TRRAP: variants seen among roughly 807,000 people sequenced by gnomAD.
The protein encoded by TRRAP is transformation/transcription domain associated protein, also known as transformation/transcription domain-associated protein.
Under a neutral mutation model 438.8 loss-of-function variants are expected in TRRAP, and 41 were observed. The observed-to-expected ratio is 0.09, with a 90% confidence interval of 0.07 to 0.12. The LOEUF is 0.12. Among genes scored for constraint, TRRAP ranks in the 10% least tolerant of loss-of-function variants. The probability of loss-of-function intolerance (pLI) is 1.00; values close to 1 mark genes in which losing one functional copy is unlikely to be tolerated. For synonymous variants in TRRAP, 1,994 were observed against 1,962.9 expected (o/e 1.02, Z -0.42); for missense variants, 3,122 against 5,055.1 (o/e 0.62, Z 11.60).
chr7:98,969,352 C>G (rs1792303435), intron 51 of TRRAP, among the ~76,000 whole-genome samples: 1 of 152,178 alleles, frequency 6.6e-6, no homozygotes, highest in Non-Finnish European at 1.5e-5. Flanking sequence ...TATTCTTGAT[C>G]TTGCCTCACT....
In TRRAP at chr7:98,998,800, C is replaced by T. The variant is rs187630022; in HGVS notation, c.10309+3952C>T. On this transcript the variant is annotated intron_variant, in intron 67 of 72. Coordinates refer to ENST00000456197, the MANE Select transcript of TRRAP (RefSeq NM_001375524.1). ...CTCTTCCAGTGCCCTCTGACTCACC[C>T]TCTTACCTTACCTCTGTTACAGAAA... 402 of 261,610 alleles carry T rather than the reference C, an allele frequency of 1.5e-3. 5 individuals carry two copies. The highest frequency in any genetic ancestry group is 8.6e-3 in the African/African-American group (373 of 43,540). 16.2% of individuals were successfully genotyped at this position (261,610 alleles called of 1,614,324 possible). A position where few individuals can be genotyped will look rare whatever the true frequency, so the allele number is the denominator to read the frequency against.
At chr7:98,996,791 A>T (rs950982315) in intron 67 of TRRAP, among the ~76,000 whole-genome samples, 2 of 152,192 alleles carry the variant, frequency 1.3e-5, no homozygotes, top group African/African-American at 2.4e-5. Context: ...TCCTCTTAAT[A>T]ATATGTTATA....
rs1397474653 is a variant in TRRAP at position 99,012,545 on chromosome 7, C to T, written c.*190C>T. On this transcript the variant is annotated 3_prime_UTR_variant, in exon 73 of 73. Coordinates refer to ENST00000456197, the MANE Select transcript of TRRAP (RefSeq NM_001375524.1). The surrounding 1 kb of genome is among the most constrained non-coding windows in gnomAD (Gnocchi z 5.9). ...AGTTTTAGAGGAAGCTGAACTATGA[C>T]GATGCTGGGCGAAGCGGTTGGAAAT... 2.2e-5 allele frequency: 15 copies of T among 681,928 alleles called. No homozygotes were observed. The highest frequency in any genetic ancestry group is 3.1e-5 in the Non-Finnish European group (13 of 426,072). 42.2% of individuals were successfully genotyped at this position (681,928 alleles called of 1,614,324 possible). A position where few individuals can be genotyped will look rare whatever the true frequency, so the allele number is the denominator to read the frequency against.
At position 98,981,871 on chromosome 7, in the gene TRRAP, C is replaced by G; in HGVS notation, c.8737C>G (p.Arg2913Gly). The change falls in exon 59 of 73, where the codon CGC (arginine) becomes GGC (glycine). Residue 2913 changes from arginine to glycine, a missense_variant. Arg to Gly is a moderately radical substitution (Grantham distance 125, BLOSUM62 -2). Coordinates refer to ENST00000456197, the MANE Select transcript of TRRAP (RefSeq NM_001375524.1). ...GGAGCAGCAGCTCAGCTTCATCGAG[C>G]GCCTGGTGGAGATGGCCAGCAGCCT... is the stretch of plus-strand genomic sequence containing the variant. ...PEEQQLSFIE[R>G]LVEMASSLAI... The G allele has an allele frequency of 6.2e-7, 1 of 1,608,912 alleles. No individual in the cohort carries two copies. Among genetic ancestry groups the G allele is most frequent in the Non-Finnish European group, 8.5e-7 (1 of 1,178,408 alleles).
At chr7:98,880,941 C>G in intron 1 of TRRAP, 149 bp from the exon 2 acceptor site, 1 of 409,736 alleles carries the variant, frequency 2.4e-6, no homozygotes, top group Non-Finnish European at 4.3e-6. Context: ...GTTGGGTAAA[C>G]TTCATATTAA....
chr7:98,937,075 TAATA>T (rs1790589645), intron 28 of TRRAP, 77 bp from the exon 29 acceptor site: 1 of 1,459,120 alleles, frequency 6.9e-7, no homozygotes, highest in Non-Finnish European at 9.1e-7. Context: ...CAAATAATAA[TAATA>T]AATAAATACA....
intron 67 of TRRAP, among the ~76,000 whole-genome samples, chr7:99,003,751 T>C (rs890214864): frequency 2.6e-5 from 4 of 152,222 alleles, no homozygotes; most frequent in African/African-American, 7.2e-5. Flanking sequence ...TAAAATGTTT[T>C]GCTCCACACC....
chr7:98,899,662 G>C lies in TRRAP; in HGVS notation c.712-17G>C. 2 of 1,614,022 alleles carry C rather than the reference G, an allele frequency of 1.2e-6. No homozygotes were observed. Among genetic ancestry groups the C allele is most frequent in the South Asian group, 1.1e-5 (1 of 91,078 alleles). ...GCAGAGTGTCAATGTATGAAAATCT[G>C]GTATGTTTGCTTTTAGCTCTACAAA... On this transcript the variant is annotated splice_polypyrimidine_tract_variant and intron_variant, in intron 9 of 72. Transcript: ENST00000456197.
intron 67 of TRRAP, among the ~76,000 whole-genome samples, chr7:99,001,429 T>C (rs746919872): frequency 7.2e-5 from 11 of 152,228 alleles, no homozygotes; most frequent in Admixed American, 6.5e-4. Flanking sequence ...CATATTTTAC[T>C]TGAAAGAAAT....
intron 3 of TRRAP, among the ~76,000 whole-genome samples, chr7:98,888,640 G>A (rs1554404325): frequency 1.3e-5 from 2 of 152,166 alleles, no homozygotes; most frequent in Admixed American, 1.3e-4. Flanking sequence ...TTGATTTTGT[G>A]CCTTTGCATG....
chr7:98,967,049 A>T lies in TRRAP; in HGVS notation c.7185A>T (p.Thr2395=). ...TCTCAAATTTCATACAGACACCTAC[A>T]CTCCGGGAGAAGTCCATTTTGCTTG... ...NSPMAANQTP[T]LREKSILLVK... is the part of the protein sequence containing the mutation. The change falls in exon 50 of 73, where the codon ACA becomes ACT. Residue 2395 remains threonine (T), a synonymous_variant. Coordinates refer to ENST00000456197, the MANE Select transcript of TRRAP (RefSeq NM_001375524.1). 6.2e-7 allele frequency: 1 copy of T among 1,612,662 alleles called. No individual in the cohort carries two copies. The highest frequency in any genetic ancestry group is 8.5e-7 in the Non-Finnish European group (1 of 1,179,464).
chr7:98,883,371 T>C (rs1243775923), intron 3 of TRRAP, among the ~76,000 whole-genome samples: 1 of 152,242 alleles, frequency 6.6e-6, no homozygotes, highest in East Asian at 1.9e-4. Context: ...CATCTTTGTT[T>C]ATTAAGACCA....
In TRRAP at chr7:98,925,217, C is replaced by A. The variant is rs546717951; in HGVS notation, c.2929C>A (p.Leu977Met). Residue 977 changes from leucine to methionine, a missense_variant, in exon 22 of 73, where the codon CTG (leucine) becomes ATG (methionine). By Grantham distance (15) the Leu-to-Met change is conservative. This residue lies in a region of TRRAP where 133 missense variants were observed against 188.6 expected (regional missense o/e 0.71). Transcript: ENST00000456197. The stretch of plus-strand genomic sequence containing the variant: ...ATGCTTCCTGGTGGCCATGATGAGC[C>A]TGGAGGACAACAAGCACGCACTCTA... ...IKCFLVAMMS[L>M]EDNKHALYQL... 1 of 1,614,162 alleles carries A rather than the reference C, an allele frequency of 6.2e-7. No homozygotes were observed. The highest frequency in any genetic ancestry group is 2.2e-5 in the East Asian group (1 of 44,882).
Position 98,937,223 on chromosome 7 carries a change from C to G in TRRAP, c.4179C>G (p.Ala1393=). ...AAATCATCGCTGCACTCTTCAAAGC[C>G]CTGAATTCCACCAATAGTGAGCTCC... ...REKIIAALFK[A]LNSTNSELQE... Residue 1393 remains alanine (A), a synonymous_variant, in exon 29 of 73, where the codon GCC becomes GCG. Coordinates refer to ENST00000456197, the MANE Select transcript of TRRAP (RefSeq NM_001375524.1). 6.2e-7 allele frequency: 1 copy of G among 1,613,754 alleles called. No individual in the cohort carries two copies. The highest frequency in any genetic ancestry group is 8.5e-7 in the Non-Finnish European group (1 of 1,179,768).
chr7:98,893,833 A>G lies in TRRAP; in HGVS notation c.402A>G (p.Arg134=), dbSNP rs375524413. Residue 134 remains arginine, a synonymous_variant, in exon 6 of 73, where the codon AGA becomes AGG. Coordinates refer to ENST00000456197, the MANE Select transcript of TRRAP (RefSeq NM_001375524.1). The part of the protein sequence containing the change: ...ENEENVLICL[R]IIIELHKQFR... ...AAGAAAATGTTCTTATTTGTCTAAG[A>G]ATAATTATTGAGCTACACAAACAGT... The G allele has an allele frequency of 1.5e-5, 24 of 1,613,848 alleles. No homozygotes were observed. Among genetic ancestry groups the G allele is most frequent in the Non-Finnish European group, 2.0e-5 (24 of 1,179,936 alleles).
rs543288920 is a variant in TRRAP, at chr7:99,008,469, G to A, written c.10846G>A (p.Ala3616Thr). 4.0e-5 allele frequency: 65 copies of A among 1,614,126 alleles called. No homozygotes were observed. The highest frequency in any genetic ancestry group is 5.0e-5 in the Admixed American group (3 of 60,022). The change falls in exon 70 of 73, where the codon GCC (alanine) becomes ACC (threonine). Residue 3616 changes from alanine to threonine, a missense_variant. By Grantham distance (58) the Ala-to-Thr change is moderately conservative. Transcript: ENST00000456197. ...TGTGGAGATCTACAAGCAGCGCTGC[G>A]CCAAGAAGGGCATCGAGCATGACAA... Reference protein sequence around the residue: ...SLVEIYKQRCAKKGIEHDNPI... With the variant: ...SLVEIYKQRCTKKGIEHDNPI...
intron 3 of TRRAP, among the ~76,000 whole-genome samples, chr7:98,884,709 G>A (rs1456448346): frequency 2.0e-5 from 3 of 152,036 alleles, no homozygotes; most frequent in African/African-American, 7.2e-5. Context: ...TAGCTCTCCT[G>A]AACACTGAGG....
At position 98,908,691 on chromosome 7, in the gene TRRAP, C is replaced by G. The variant is rs547242926; in HGVS notation, c.1116-37C>G. The G allele has an allele frequency of 9.8e-6, 15 of 1,527,666 alleles. No individual in the cohort carries two copies. The highest frequency in any genetic ancestry group is 1.3e-5 in the Non-Finnish European group (15 of 1,136,664). The allele number at this position is 1,527,666 out of a possible 1,614,324, so 94.6% of individuals were successfully genotyped here. ...TGGCCTGCTGCAGCAGGCATGGCCA[C>G]GTGGGAATGAGCACTAGTCGAGGTC... On this transcript the variant is annotated intron_variant, in intron 13 of 72. Coordinates refer to ENST00000456197, the MANE Select transcript of TRRAP (RefSeq NM_001375524.1). The surrounding 1 kb of genome is among the most constrained non-coding windows in gnomAD (Gnocchi z 4.1).
intron 4 of TRRAP, among the ~76,000 whole-genome samples, chr7:98,891,233 A>C (rs1554404815): frequency 1.0e-5 from 1 of 99,926 alleles, no homozygotes; most frequent in South Asian, 3.0e-4. Flanking sequence ...TTTTTGGGAG[A>C]CGGAGTCTCG....
Sources: allele counts gnomAD v4.1 joint callset (sites outside exome capture counted in the v4.1 genomes callset), GRCh38; gene constraint gnomAD v4.1.1; regional missense constraint gnomAD v4.1.1; non-coding constraint Gnocchi (gnomAD v3.1); transcripts MANE v1.5; gene names NCBI Gene and HGNC (gene_info 2026-07-23, HGNC 2026-07-21).